PDE1C: variants seen among roughly 807,000 people sequenced by gnomAD.
PDE1C encodes phosphodiesterase 1C.
PDE1C carries 62 observed loss-of-function variants against 93.1 expected under a neutral mutation model. That is an observed-to-expected ratio of 0.67 (90% confidence interval 0.54 to 0.82). PDE1C has a LOEUF of 0.82. Among genes scored for constraint, PDE1C ranks in the 40% least tolerant of loss-of-function variants. The pLI, the probability that PDE1C is intolerant of heterozygous loss-of-function variation, is 0.00. For synonymous variants in PDE1C, 325 were observed against 310.1 expected (o/e 1.05, Z -0.50); for missense variants, 742 against 884.6 (o/e 0.84, Z 2.04).
intron 2 of PDE1C, among the ~76,000 whole-genome samples, chr7:32,005,411 C>T (rs1786061915): frequency 6.6e-6 from 1 of 151,694 alleles, no homozygotes; most frequent in Non-Finnish European, 1.5e-5. Flanking sequence ...AAAAAATTAG[C>T]TGGGTGTTGT....
chr7:32,059,156 T>C (rs1458088087), intron 1 of PDE1C, among the ~76,000 whole-genome samples: 1 of 152,240 alleles, frequency 6.6e-6, no homozygotes. Context: ...CTCCCAAACA[T>C]AGAGGACTCC....
At chr7:31,807,385 T>C (rs886075189) in intron 16 of PDE1C, among the ~76,000 whole-genome samples, 4 of 151,900 alleles carry the variant, frequency 2.6e-5, no homozygotes, top group African/African-American at 9.7e-5. Context: ...GAACATAAAA[T>C]CTATTTTATC....
intron 3 of PDE1C, among the ~76,000 whole-genome samples, chr7:32,147,327 A>AG (rs1563353021): frequency 4.1e-4 from 62 of 150,070 alleles, no homozygotes; most frequent in Admixed American, 2.9e-3. Context: ...AAAGAAAGAA[A>AG]GAAAGACGCT....
chr7:31,819,642 C>G (rs1788710546), intron 14 of PDE1C, among the ~76,000 whole-genome samples: 1 of 152,020 alleles, frequency 6.6e-6, no homozygotes, highest in African/African-American at 2.4e-5. Context: ...GAGCAGAGCC[C>G]TCGAGATCCA....
At chr7:32,116,036 G>A (rs999971595) in intron 3 of PDE1C, among the ~76,000 whole-genome samples, 1 of 152,196 alleles carries the variant, frequency 6.6e-6, no homozygotes, top group East Asian at 1.9e-4. Flanking sequence ...ATACTACAAA[G>A]AGAAACAATG....
At chr7:31,866,179 T>C (rs997515573) in intron 6 of PDE1C, among the ~76,000 whole-genome samples, 2 of 152,128 alleles carry the variant, frequency 1.3e-5, no homozygotes, top group African/African-American at 4.8e-5. Flanking sequence ...AGAGGATATG[T>C]CTTCCTGAGG....
At chr7:31,683,525 G>T in the PDE1C span, among the ~76,000 whole-genome samples, 1 of 151,972 alleles carries the variant, frequency 6.6e-6, no homozygotes, top group Non-Finnish European at 1.5e-5. Context: ...ACTGCCCAGA[G>T]CAAAGACACA....
intron 2 of PDE1C, among the ~76,000 whole-genome samples, chr7:32,049,438 G>A (rs1232039533): frequency 6.6e-6 from 1 of 152,046 alleles, no homozygotes; most frequent in Non-Finnish European, 1.5e-5. Context: ...TTAGCAGCCT[G>A]AAGCCATGAT....
At chr7:32,048,744 T>C (rs1460017761) in intron 2 of PDE1C, among the ~76,000 whole-genome samples, 1 of 152,192 alleles carries the variant, frequency 6.6e-6, no homozygotes. Flanking sequence ...TGTAATTCAA[T>C]GATGGATCAG....
chr7:31,867,218 C>A (rs1795413398), intron 6 of PDE1C, among the ~76,000 whole-genome samples: 1 of 152,036 alleles, frequency 6.6e-6, no homozygotes, highest in African/African-American at 2.4e-5. Context: ...ACCCTAAGGA[C>A]AAAACCCCCC....
At chr7:31,864,353 T>C (rs1795025921) in intron 7 of PDE1C, among the ~76,000 whole-genome samples, 1 of 152,092 alleles carries the variant, frequency 6.6e-6, no homozygotes, top group Admixed American at 6.5e-5. Flanking sequence ...GAGATTTCCA[T>C]GTCTTAAAAA....
chr7:31,829,293 A>G (rs2128749276), intron 11 of PDE1C, among the ~76,000 whole-genome samples: 1 of 152,250 alleles, frequency 6.6e-6, no homozygotes, highest in African/African-American at 2.4e-5. Context: ...TCTCTACCTC[A>G]TAGGGTTATA....
At chr7:31,656,855 G>C in the PDE1C span, among the ~76,000 whole-genome samples, 1 of 149,630 alleles carries the variant, frequency 6.7e-6, no homozygotes, top group African/African-American at 2.5e-5. Flanking sequence ...CCAAAAAAGA[G>C]CATAGAAGGG....
At chr7:32,131,190 T>C (rs1003606370) in intron 3 of PDE1C, among the ~76,000 whole-genome samples, 4 of 152,120 alleles carry the variant, frequency 2.6e-5, no homozygotes, top group East Asian at 3.9e-4. Flanking sequence ...CTTGAAGCAA[T>C]TACACTCACT....
chr7:31,821,046 A>C (rs879741030), intron 14 of PDE1C: 7 of 151,312 alleles, frequency 4.6e-5, no homozygotes, highest in South Asian at 2.1e-4. Context: ...TTCCCTGCTA[A>C]TTGAAATGTG....
chr7:31,884,018 A>G (rs1294028704), intron 2 of PDE1C, among the ~76,000 whole-genome samples: 1 of 152,206 alleles, frequency 6.6e-6, no homozygotes, highest in Non-Finnish European at 1.5e-5. Context: ...ACACAGAAAT[A>G]ATGCACCTTT....
chr7:32,094,002 TA>T (rs1172819727), intron 3 of PDE1C, among the ~76,000 whole-genome samples: 1 of 152,178 alleles, frequency 6.6e-6, no homozygotes, highest in East Asian at 1.9e-4. Flanking sequence ...GAATAGATGG[TA>T]AAGGGCTCCT....
At chr7:32,173,804 C>T (rs1023116600) in intron 2 of PDE1C, among the ~76,000 whole-genome samples, 1 of 152,180 alleles carries the variant, frequency 6.6e-6, no homozygotes, top group Admixed American at 6.5e-5. Context: ...GCCAGAAGGA[C>T]AGCTCTGCCA....
chr7:32,314,458 T>G (rs973357896), intron 1 of PDE1C, among the ~76,000 whole-genome samples: 1 of 152,162 alleles, frequency 6.6e-6, no homozygotes, highest in Admixed American at 6.5e-5. Context: ...CATCCCAGGT[T>G]ACCACTTGCA....
Sources: allele counts gnomAD v4.1 joint callset (sites outside exome capture counted in the v4.1 genomes callset), GRCh38; gene constraint gnomAD v4.1.1; transcripts MANE v1.5; gene names NCBI Gene and HGNC (gene_info 2026-07-23, HGNC 2026-07-21).